RNGTT: variants seen among roughly 807,000 people sequenced by gnomAD.
The protein encoded by RNGTT is RNA guanylyltransferase and 5'-phosphatase.
A neutral mutation model predicts 79.3 loss-of-function variants in RNGTT; 33 were observed. The ratio of observed to expected loss-of-function variants is 0.42; its 90% CI spans 0.32 to 0.56. The LOEUF is 0.56. RNGTT is among the 20% of genes least tolerant of loss of function. The pLI, the probability that RNGTT is intolerant of heterozygous loss-of-function variation, is 0.17. For synonymous variants in RNGTT, 222 were observed against 235.9 expected, an observed-to-expected ratio of 0.94 and a Z score of 0.54; for missense variants, 497 against 739.1, an observed-to-expected ratio of 0.67 and a Z score of 3.80.
chr6:88,772,399 G>A (rs9362557), intron 12 of RNGTT, among the ~76,000 whole-genome samples: 21,074 of 151,982 alleles, frequency 0.14, 1,598 homozygotes, highest in Middle Eastern at 0.24. Context: ...TTCCAACAGC[G>A]TTTTCCACAG....
At chr6:88,743,576 T>C (rs1777565240) in intron 13 of RNGTT, among the ~76,000 whole-genome samples, 2 of 152,222 alleles carry the variant, frequency 1.3e-5, no homozygotes, top group Non-Finnish European at 2.9e-5. Context: ...ACAGTACTTG[T>C]CTTTTTGTAT....
At chr6:88,863,621 T>C (rs547401350) in intron 8 of RNGTT, among the ~76,000 whole-genome samples, 3 of 152,268 alleles carry the variant, frequency 2.0e-5, no homozygotes, top group African/African-American at 7.2e-5. Context: ...TAGAGTCTTG[T>C]GTAAATCTGT....
intron 4 of RNGTT, among the ~76,000 whole-genome samples, chr6:88,917,145 C>T (rs944934683): frequency 1.3e-5 from 2 of 152,146 alleles, no homozygotes; most frequent in African/African-American, 2.4e-5. Flanking sequence ...TTCTTTGCTT[C>T]CTTGGACTTT....
At chr6:88,871,863 CAGG>C (rs1172890446) in intron 8 of RNGTT, among the ~76,000 whole-genome samples, 1 of 152,150 alleles carries the variant, frequency 6.6e-6, no homozygotes. Flanking sequence ...ATCCCCTCTC[CAGG>C]AGTTTATGGC....
chr6:88,622,811 G>T (rs1001568161), intron 14 of RNGTT, among the ~76,000 whole-genome samples: 2 of 152,000 alleles, frequency 1.3e-5, no homozygotes, highest in African/African-American at 4.8e-5. Flanking sequence ...GACAAATACT[G>T]ATCAACCATG....
At chr6:88,644,618 A>C (rs1321896383) in intron 14 of RNGTT, among the ~76,000 whole-genome samples, 1 of 152,206 alleles carries the variant, frequency 6.6e-6, no homozygotes, top group Non-Finnish European at 1.5e-5. Context: ...ATACTGGCAA[A>C]CTGAATCCAG....
At chr6:88,764,669 C>T (rs1778391351) in intron 13 of RNGTT, among the ~76,000 whole-genome samples, 1 of 152,094 alleles carries the variant, frequency 6.6e-6, no homozygotes, top group Non-Finnish European at 1.5e-5. Context: ...GGAGTGCCTA[C>T]TATAAACAAG....
intron 8 of RNGTT, among the ~76,000 whole-genome samples, chr6:88,868,135 T>C (rs1782234239): frequency 6.7e-6 from 1 of 149,956 alleles, no homozygotes; most frequent in Non-Finnish European, 1.5e-5. Flanking sequence ...TACCACACTC[T>C]TTACCTGATT....
intron 14 of RNGTT, among the ~76,000 whole-genome samples, chr6:88,623,760 C>A (rs9451036): frequency 0.03 from 4,567 of 151,904 alleles, 233 homozygotes; most frequent in African/African-American, 0.1. Context: ...AAAGACCTAC[C>A]GGTTGAAAAG....
chr6:88,688,779 T>C (rs1397502936), intron 13 of RNGTT, among the ~76,000 whole-genome samples: 1 of 152,204 alleles, frequency 6.6e-6, no homozygotes, highest in Non-Finnish European at 1.5e-5. Context: ...TATACGCAGA[T>C]TTCTTCCACC....
intron 12 of RNGTT, among the ~76,000 whole-genome samples, chr6:88,777,153 A>G (rs1457766839): frequency 6.6e-6 from 1 of 152,132 alleles, no homozygotes. Context: ...AAATTTGAAC[A>G]TACATGCTTG....
At chr6:88,620,868 G>A (rs1243830862) in intron 14 of RNGTT, among the ~76,000 whole-genome samples, 1 of 152,192 alleles carries the variant, frequency 6.6e-6, no homozygotes, top group African/African-American at 2.4e-5. Context: ...TCTTTGTAAA[G>A]CTGGGTCTGG....
chr6:88,806,983 C>T (rs533575801), intron 11 of RNGTT, among the ~76,000 whole-genome samples: 43 of 152,162 alleles, frequency 2.8e-4, no homozygotes, highest in Non-Finnish European at 1.8e-4. Context: ...GGCAAACTAA[C>T]GTAGGAACGA....
At chr6:88,845,946 G>T (rs911625319) in intron 10 of RNGTT, among the ~76,000 whole-genome samples, 1 of 151,066 alleles carries the variant, frequency 6.6e-6, no homozygotes, top group Admixed American at 6.6e-5. Flanking sequence ...GTTATTAAAA[G>T]AATTCAGACA....
chr6:88,776,664 GAAAAAA>G (rs34767667), intron 12 of RNGTT, among the ~76,000 whole-genome samples: 1 of 138,878 alleles, frequency 7.2e-6, no homozygotes, highest in Non-Finnish European at 1.6e-5. Flanking sequence ...GGCTTCTTTG[GAAAAAA>G]AAAAAAAAAA....
At chr6:88,729,939 G>C (rs900240533) in intron 13 of RNGTT, among the ~76,000 whole-genome samples, 4 of 152,062 alleles carry the variant, frequency 2.6e-5, no homozygotes, top group Admixed American at 6.5e-5. Context: ...AGCTGTAATG[G>C]GTGTATTTAT....
intron 13 of RNGTT, among the ~76,000 whole-genome samples, chr6:88,768,272 G>T (rs913393142): frequency 6.6e-6 from 1 of 151,688 alleles, no homozygotes; most frequent in African/African-American, 2.4e-5. Context: ...ACCATACCCG[G>T]CTAATTTTTG....
chr6:88,737,449 G>C (rs1777324684), intron 13 of RNGTT, among the ~76,000 whole-genome samples: 1 of 152,158 alleles, frequency 6.6e-6, no homozygotes, highest in Non-Finnish European at 1.5e-5. Context: ...TATTTTTCAT[G>C]TGAGAACGAT....
At chr6:88,726,931 G>T (rs1400876676) in intron 13 of RNGTT, among the ~76,000 whole-genome samples, 2 of 151,368 alleles carry the variant, frequency 1.3e-5, no homozygotes, top group Non-Finnish European at 2.9e-5. Context: ...GCCTTAGACG[G>T]TCTAGTCCAC....
Sources: gnomAD v4.1 joint callset for allele counts (sites outside exome capture counted in the v4.1 genomes callset) on GRCh38, gnomAD v4.1.1 for gene constraint, MANE v1.5 for transcripts, NCBI Gene and HGNC (gene_info 2026-07-23, HGNC 2026-07-21) for gene names.